The following PCDHA1 variants were observed in gnomAD, a reference collection of about 807,000 sequenced individuals.
PCDHA1 encodes protocadherin alpha-1.
Under a neutral mutation model 61.3 loss-of-function variants are expected in PCDHA1, and 42 were observed. The ratio of observed to expected loss-of-function variants is 0.69; its 90% CI spans 0.54 to 0.89. The LOEUF is 0.89. Ranked by LOEUF, PCDHA1 falls within the 40% of genes least tolerant of loss-of-function variation. The pLI is 0.00. For synonymous variants in PCDHA1, 610 were observed against 553.8 expected (o/e 1.10, Z -1.43); for missense variants, 1,256 against 1,235.3 (o/e 1.02, Z -0.25).
At chr5:140,875,447 C>G (rs532829491) in intron 1 of PCDHA1, 1 of 1,584,206 alleles carries the variant, frequency 6.3e-7, no homozygotes, top group African/African-American at 1.4e-5. Flanking sequence ...CTGATTGTCC[C>G]AACTCAGAGG....
chr5:140,961,647 G>C (rs1204313600), intron 1 of PCDHA1, among the ~76,000 whole-genome samples: 10 of 152,104 alleles, frequency 6.6e-5, no homozygotes, highest in African/African-American at 2.4e-4. Flanking sequence ...AAGTCTATGT[G>C]GTTAGTTTGA....
chr5:140,819,371 G>A (rs1180027831), intron 1 of PCDHA1, among the ~76,000 whole-genome samples: 2 of 152,040 alleles, frequency 1.3e-5, no homozygotes, highest in Admixed American at 6.5e-5. Flanking sequence ...TCTTGTGTTA[G>A]TATATTTCTA....
In PCDHA1 at chr5:140,823,392, G is replaced by T. The variant is rs200444377; in HGVS notation, c.2394+34708G>T. On this transcript the variant is annotated intron_variant, in intron 1 of 3. Coordinates refer to ENST00000504120, the MANE Select transcript of PCDHA1 (RefSeq NM_018900.4). ...AGTTCCAGGTGAGCGCGCGCGACGC[G>T]GGCGTGCCGCCTCTGGGCAGCAACG... is the stretch of plus-strand genomic sequence containing the variant. The T allele has an allele frequency of 5.6e-6, 9 of 1,612,814 alleles. No individual in the cohort carries two copies. In the Admixed American group the frequency reaches 1.3e-4, roughly 24 times the overall value.
Position 140,801,563 on chromosome 5 carries a change from A to G in PCDHA1, c.2394+12879A>G, listed in dbSNP as rs1554121549. On this transcript the variant is annotated intron_variant, in intron 1 of 3. Coordinates refer to ENST00000504120, the MANE Select transcript of PCDHA1 (RefSeq NM_018900.4). ...TGCAGGTTTTCCATGTGGAGGTGGA[A>G]GTGAAGGACATTAATGACAACGCGC... 4 of 1,614,230 alleles carry G rather than the reference A, an allele frequency of 2.5e-6. No homozygotes were observed. The East Asian group carries it at 6.7e-5, about 27-fold the overall frequency.
At chr5:140,954,036 T>G (rs527853766) in intron 1 of PCDHA1, among the ~76,000 whole-genome samples, 170 of 152,342 alleles carry the variant, frequency 1.1e-3, no homozygotes, top group African/African-American at 3.9e-3. Context: ...GATGTGGTAT[T>G]TGGTTTTCTG....
chr5:140,870,731 C>G (rs782095287), intron 1 of PCDHA1: 1 of 1,613,444 alleles, frequency 6.2e-7, no homozygotes. Flanking sequence ...GGCGTGCCGC[C>G]TCTGAGCAGC....
chr5:140,875,932 C>T, intron 1 of PCDHA1: 3 of 1,614,154 alleles, frequency 1.9e-6, no homozygotes, highest in South Asian at 1.1e-5. Flanking sequence ...TCATTTTCCT[C>T]TAGAGGGCGC....
At chr5:140,876,056 T>G in intron 1 of PCDHA1, 1 of 1,613,918 alleles carries the variant, frequency 6.2e-7, no homozygotes, top group Non-Finnish European at 8.5e-7. Flanking sequence ...CCTGAATTAG[T>G]TCTTCGGAAG....
chr5:140,897,037 AC>A (rs1300892291), intron 1 of PCDHA1, among the ~76,000 whole-genome samples: 1 of 152,074 alleles, frequency 6.6e-6, no homozygotes, highest in Non-Finnish European at 1.5e-5. Flanking sequence ...GACCATAGTC[AC>A]CCTATTCTGC....
intron 1 of PCDHA1, among the ~76,000 whole-genome samples, chr5:140,949,279 A>T (rs2094358116): frequency 6.6e-6 from 1 of 151,848 alleles, no homozygotes; most frequent in African/African-American, 2.4e-5. Flanking sequence ...CTTGAAAAGA[A>T]TGTATATTCT....
At position 141,009,688 on chromosome 5, in the gene PCDHA1, C is replaced by A. The variant is rs2098413722; in HGVS notation, c.2604C>A (p.Thr868=). 1 of 1,613,960 alleles carries A rather than the reference C, an allele frequency of 6.2e-7. No individual in the cohort carries two copies. Among genetic ancestry groups the A allele is most frequent in the Admixed American group, 1.7e-5 (1 of 59,994 alleles). ...CGGGTGTCAACAGCAACAGCTGGAC[C>A]TTTAAATACGGACCAGGCAACCCCA... ...VGAGVNSNSW[T]FKYGPGNPKQ... is the part of the protein sequence containing the mutation. Residue 868 remains threonine, a synonymous_variant, in exon 4 of 4, where the codon ACC becomes ACA. Transcript: ENST00000504120.
intron 1 of PCDHA1, chr5:140,821,569 G>A (rs1767002777): frequency 5.6e-6 from 3 of 538,590 alleles, no homozygotes; most frequent in South Asian, 7.1e-5. Context: ...GCTGGACACC[G>A]GAAGGTTTTT....
chr5:140,988,622 ATGTCCTGGTTTTC>A (rs2097306090), intron 3 of PCDHA1, among the ~76,000 whole-genome samples: 1 of 152,124 alleles, frequency 6.6e-6, no homozygotes, highest in Non-Finnish European at 1.5e-5. Context: ...TAGAATGGAG[ATGTCCTGGTTTTC>A]TGAAATTAAA....
intron 1 of PCDHA1, chr5:140,814,455 T>C (rs1190395244): frequency 1.3e-5 from 2 of 152,018 alleles, no homozygotes; most frequent in Admixed American, 6.6e-5. Context: ...TTTTCTTTTT[T>C]TTTTTTGAGT....
chr5:140,843,412 C>A, intron 1 of PCDHA1: 3 of 1,596,066 alleles, frequency 1.9e-6, no homozygotes, highest in Non-Finnish European at 2.6e-6. Flanking sequence ...TGGATGTCAA[C>A]GTGTACCTGA....
chr5:140,788,068 A>T lies in PCDHA1; in HGVS notation c.1778A>T (p.Lys593Met). Residue 593 changes from lysine (K) to methionine (M), a missense_variant, in exon 1 of 4, where the codon AAG (lysine) becomes ATG (methionine). Physicochemically the swap from Lys to Met is moderately conservative, Grantham distance 95. Transcript: ENST00000504120. ...RLVGAGHVVA[K>M]VRAVDADSGY... ...GTGGGTGCGGGTCATGTGGTGGCGAAGGTGCGCGCAGTGGACGCCGACTCG... is the reference window on the plus strand; with the variant it reads ...GTGGGTGCGGGTCATGTGGTGGCGATGGTGCGCGCAGTGGACGCCGACTCG... 1 of 1,613,944 alleles carries T rather than the reference A, an allele frequency of 6.2e-7. No individual in the cohort carries two copies. The highest frequency in any genetic ancestry group is 8.5e-7 in the Non-Finnish European group (1 of 1,179,892).
chr5:140,825,816 T>C (rs1372654901), intron 1 of PCDHA1: 1 of 152,478 alleles, frequency 6.6e-6, no homozygotes, highest in African/African-American at 2.4e-5. Flanking sequence ...TTGTTGTTAC[T>C]TTTAGATTAA....
chr5:140,884,733 T>C lies in PCDHA1; in HGVS notation c.2395-94216T>C, dbSNP rs782206169. On this transcript the variant is annotated intron_variant, in intron 1 of 3. Transcript: ENST00000504120. ...TCCTTGCAGTTGTTTGTTTAAGACA[T>C]CTTTCCTGCCAATTTCAAATTATTC... 1.1e-4 allele frequency: 158 copies of C among 1,448,002 alleles called. No homozygotes were observed. The Middle Eastern group carries it at 1.8e-3, about 17-fold the overall frequency. The allele number at this position is 1,448,002 out of a possible 1,614,324, so 89.7% of individuals were successfully genotyped here. A position where few individuals can be genotyped will look rare whatever the true frequency, so the allele number is the denominator to read the frequency against.
At chr5:140,804,745 A>T (rs1763452768) in intron 1 of PCDHA1, 2 of 211,092 alleles carry the variant, frequency 9.5e-6, no homozygotes, top group Non-Finnish European at 1.9e-5. Context: ...ATATTTGGTT[A>T]TCTCCTCTAG....
Sources: allele counts gnomAD v4.1 joint callset (sites outside exome capture counted in the v4.1 genomes callset), GRCh38; gene constraint gnomAD v4.1.1; transcripts MANE v1.5; gene names NCBI Gene and HGNC (gene_info 2026-07-23, HGNC 2026-07-21).